The following STARD3NL variants were observed in gnomAD, a reference collection of about 807,000 sequenced individuals.
STARD3NL encodes STARD3 N-terminal-like protein.
Under a neutral mutation model 30.9 loss-of-function variants are expected in STARD3NL, and 17 were observed. That is an observed-to-expected ratio of 0.55 (90% CI 0.38 to 0.82). The LOEUF is 0.82. Ranked by LOEUF, STARD3NL falls within the 40% of genes least tolerant of loss-of-function variation. The probability of loss-of-function intolerance (pLI) is 0.00; values close to 1 mark genes in which losing one functional copy is unlikely to be tolerated. For missense variants in STARD3NL, 234 were observed against 277.6 expected (o/e 0.84, Z 1.12); for synonymous variants, 112 against 100.5 (o/e 1.11, Z -0.69).
intron 1 of STARD3NL, chr7:38,198,401 T>C (rs1316400511): frequency 1.3e-5 from 2 of 152,232 alleles, no homozygotes; most frequent in Admixed American, 1.3e-4. Context: ...CTATATCTTT[T>C]GACTTTTCAA....
At chr7:38,219,533 C>T in intron 6 of STARD3NL, 32 bp from the exon 7 acceptor site, 1 of 1,519,814 alleles carries the variant, frequency 6.6e-7, no homozygotes, top group South Asian at 1.2e-5. Context: ...AAGGTGACCT[C>T]ATTCCCAACA....
At chr7:38,205,028 C>A (rs568987467) in intron 1 of STARD3NL, among the ~76,000 whole-genome samples, 1 of 152,142 alleles carries the variant, frequency 6.6e-6, no homozygotes, top group East Asian at 1.9e-4. Flanking sequence ...CAGGACTAGA[C>A]GGATTCACAG....
chr7:38,203,102 G>A lies in STARD3NL; in HGVS notation c.-58-4345G>A, dbSNP rs368183048. 3.9e-5 allele frequency among the ~76,000 whole-genome samples: 6 copies of A among 152,222 alleles called. No homozygotes were observed. In the East Asian group the frequency reaches 7.7e-4, roughly 20 times the overall value. On this transcript the variant is annotated intron_variant, in intron 1 of 8. Transcript: ENST00000009041. ...GAACTTCCCCAATCTAGCAAGTCAG[G>A]CCAACATTCAAATTCAGGAAATACA...
chr7:38,190,683 G>T (rs551696588), intron 1 of STARD3NL, among the ~76,000 whole-genome samples: 5 of 152,238 alleles, frequency 3.3e-5, no homozygotes, highest in African/African-American at 1.2e-4. Flanking sequence ...TGTGGCTTTT[G>T]TTTTTAATTC....
intron 7 of STARD3NL, among the ~76,000 whole-genome samples, chr7:38,226,149 C>CTTGTT (rs1256855484): frequency 1.2e-4 from 6 of 51,762 alleles, no homozygotes; most frequent in African/African-American, 5.6e-4. Flanking sequence ...CTTTGCCTAT[C>CTTGTT]TTGTTTTTTT....
At chr7:38,204,483 G>T (rs909211604) in intron 1 of STARD3NL, among the ~76,000 whole-genome samples, 5 of 152,188 alleles carry the variant, frequency 3.3e-5, no homozygotes, top group Admixed American at 3.3e-4. Flanking sequence ...CACATTTAAA[G>T]CAGTGTGTAG....
chr7:38,186,268 C>T (rs144975080), intron 1 of STARD3NL, among the ~76,000 whole-genome samples: 1 of 152,178 alleles, frequency 6.6e-6, no homozygotes, highest in Non-Finnish European at 1.5e-5. Context: ...ATAATGGTAA[C>T]TTCGCACTAG....
At chr7:38,185,995 G>C (rs2115940182) in intron 1 of STARD3NL, among the ~76,000 whole-genome samples, 1 of 152,310 alleles carries the variant, frequency 6.6e-6, no homozygotes, top group East Asian at 1.9e-4. Context: ...CTTGTAGTAA[G>C]TATCGAAGGA....
intron 2 of STARD3NL, among the ~76,000 whole-genome samples, chr7:38,211,051 C>G (rs1785771130): frequency 2.0e-5 from 3 of 152,070 alleles, no homozygotes; most frequent in African/African-American, 7.2e-5. Context: ...ATACAAAGGT[C>G]TGCATGATTA....
At chr7:38,225,588 C>T (rs996551034) in intron 7 of STARD3NL, among the ~76,000 whole-genome samples, 1 of 48,804 alleles carries the variant, frequency 2.0e-5, no homozygotes, top group Non-Finnish European at 5.3e-5. Context: ...CTTGAAAAGA[C>T]AACCTTTCCC....
At chr7:38,220,251 G>A (rs1031818113) in intron 7 of STARD3NL, among the ~76,000 whole-genome samples, 14 of 152,134 alleles carry the variant, frequency 9.2e-5, no homozygotes, top group African/African-American at 3.4e-4. Flanking sequence ...CAACCAGAGT[G>A]CTCTGTTAAA....
chr7:38,210,953 C>G (rs1785765681), intron 2 of STARD3NL, among the ~76,000 whole-genome samples: 1 of 152,140 alleles, frequency 6.6e-6, no homozygotes, highest in Admixed American at 6.6e-5. Flanking sequence ...GCCTTTTGAT[C>G]AATTTAATAA....
intron 1 of STARD3NL, among the ~76,000 whole-genome samples, chr7:38,191,312 T>C (rs1784676709): frequency 6.6e-6 from 1 of 152,240 alleles, no homozygotes; most frequent in South Asian, 2.1e-4. Context: ...ATGGAATTTT[T>C]AAATTTGTCC....
At chr7:38,227,302 C>T (rs1029596669) in intron 7 of STARD3NL, among the ~76,000 whole-genome samples, 2 of 152,204 alleles carry the variant, frequency 1.3e-5, no homozygotes, top group Non-Finnish European at 2.9e-5. Context: ...TCCTCATCCT[C>T]CTTCCACAGT....
At chr7:38,205,218 A>G (rs1785394307) in intron 1 of STARD3NL, among the ~76,000 whole-genome samples, 1 of 152,236 alleles carries the variant, frequency 6.6e-6, no homozygotes, top group South Asian at 2.1e-4. Context: ...CCTGGTGAAC[A>G]TCAATGCAAA....
chr7:38,209,429 G>A (rs1364872450), intron 2 of STARD3NL, among the ~76,000 whole-genome samples: 3 of 151,938 alleles, frequency 2.0e-5, no homozygotes, highest in South Asian at 2.1e-4. Context: ...ACTACAGGGC[G>A]CACACCATCA....
chr7:38,209,451 T>A (rs1345167173), intron 2 of STARD3NL, among the ~76,000 whole-genome samples: 1 of 151,970 alleles, frequency 6.6e-6, no homozygotes, highest in Non-Finnish European at 1.5e-5. Flanking sequence ...GCCTTGCTAA[T>A]TTTTTTGTAT....
rs76787148 is a variant in STARD3NL, at chr7:38,195,771, T to G, written c.-58-11676T>G. Among the ~76,000 whole-genome samples the G allele has an allele frequency of 2.3e-3, 354 of 152,352 alleles. 3 individuals are homozygous for G. Among genetic ancestry groups the G allele is most frequent in the African/African-American group, 8.2e-3 (339 of 41,572 alleles). ...CCATGTACAGAATGTGCGAGTATTT[T>G]GTAATAGCTATCCATCATTTAGACT... On this transcript the variant is annotated intron_variant, in intron 1 of 8. Transcript: ENST00000009041.
intron 2 of STARD3NL, among the ~76,000 whole-genome samples, chr7:38,212,264 G>A (rs899060915): frequency 2.6e-5 from 4 of 152,120 alleles, no homozygotes; most frequent in South Asian, 2.1e-4. Context: ...CCTGGCTCAC[G>A]GTAGATGAGC....
Sources: gnomAD v4.1 joint callset for allele counts (sites outside exome capture counted in the v4.1 genomes callset) on GRCh38, gnomAD v4.1.1 for gene constraint, MANE v1.5 for transcripts, NCBI Gene and HGNC (gene_info 2026-07-23, HGNC 2026-07-21) for gene names.